The following SCN3A variants were observed in gnomAD, a reference collection of about 807,000 sequenced individuals.
SCN3A encodes sodium voltage-gated channel alpha subunit 3.
SCN3A carries 60 observed loss-of-function variants against 187.6 expected under a neutral mutation model. The observed-to-expected ratio is 0.32, with a 90% CI of 0.26 to 0.40. The LOEUF is 0.40. Ranked by LOEUF, SCN3A falls within the 10% of genes least tolerant of loss-of-function variation. The pLI is 1.00. For synonymous variants in SCN3A, 788 were observed against 829.2 expected (o/e 0.95, Z 0.85); for missense variants, 1,601 against 2,428.2 (o/e 0.66, Z 7.16).
At chr2:165,137,199 A>G (rs1179597365) in intron 15 of SCN3A, among the ~76,000 whole-genome samples, 1 of 152,090 alleles carries the variant, frequency 6.6e-6, no homozygotes, top group African/African-American at 2.4e-5. Context: ...CCCTTTACTT[A>G]GTTTGTTAGT....
rs966870437 is a variant in SCN3A, at chr2:165,154,762, G to A, written c.1174-104C>T. On this transcript the variant is annotated intron_variant, in intron 10 of 27. Coordinates refer to ENST00000283254, the MANE Select transcript of SCN3A (RefSeq NM_006922.4). ...AGTCAGTAGACTAATTAGCTTTTTA[G>A]TATCCAGTTTATTTTCACCAAGAAT... 4.4e-6 allele frequency: 5 copies of A among 1,136,778 alleles called. No individual in the cohort carries two copies. The African/African-American group carries it at 6.2e-5, about 14-fold the overall frequency. 70.4% of individuals were successfully genotyped at this position (1,136,778 alleles called of 1,614,324 possible).
At chr2:165,192,780 GA>G (rs1691698050) in intron 1 of SCN3A, among the ~76,000 whole-genome samples, 1 of 152,062 alleles carries the variant, frequency 6.6e-6, no homozygotes, top group Non-Finnish European at 1.5e-5. Context: ...TGTTATTGAA[GA>G]TGTGCCTTAT....
At chr2:165,198,635 T>A (rs1553545314) in intron 1 of SCN3A, among the ~76,000 whole-genome samples, 1 of 152,026 alleles carries the variant, frequency 6.6e-6, no homozygotes, top group Non-Finnish European at 1.5e-5. Flanking sequence ...TTTTCCATTT[T>A]AAAAAGGGCA....
chr2:165,203,762 A>C (rs180734131), intron 1 of SCN3A, 61 bp downstream of exon 1: 1 of 152,124 alleles, frequency 6.6e-6, no homozygotes, highest in East Asian at 1.9e-4. Flanking sequence ...TTTTAAAGTA[A>C]GGAAAATGAC....
chr2:165,124,602 C>G (rs1223848835), intron 18 of SCN3A, among the ~76,000 whole-genome samples: 1 of 152,114 alleles, frequency 6.6e-6, no homozygotes, highest in Non-Finnish European at 1.5e-5. Flanking sequence ...TTTTTAAACC[C>G]TGACCTCTAA....
In SCN3A at chr2:165,164,508, A is replaced by C; in HGVS notation, c.486T>G (p.Thr162=). ...TAAGTGACTCAAAGGTATAGATTCCAGTGAATGTGTACCTAGGAAAAACAT... is the reference window on the plus strand; with the variant it reads ...TAAGTGACTCAAAGGTATAGATTCCCGTGAATGTGTACCTAGGAAAAACAT... ...DWTKNVEYTF[T]GIYTFESLIK... Residue 162 remains threonine (T), a synonymous_variant, in exon 6 of 28, where the codon ACT becomes ACG. Coordinates refer to ENST00000283254, the MANE Select transcript of SCN3A (RefSeq NM_006922.4). 1 of 1,613,730 alleles carries C rather than the reference A, an allele frequency of 6.2e-7. No homozygotes were observed. Among genetic ancestry groups the C allele is most frequent in the African/African-American group, 1.3e-5 (1 of 75,038 alleles).
At chr2:165,125,308 C>CT (rs773609297) in intron 18 of SCN3A, among the ~76,000 whole-genome samples, 6,911 of 145,706 alleles carry the variant, frequency 0.047, 207 homozygotes, top group Non-Finnish European at 0.065. Context: ...CAGGATTAAA[C>CT]TTTTTTTTTT....
chr2:165,178,131 T>C (rs961641221), intron 2 of SCN3A, among the ~76,000 whole-genome samples: 1 of 152,196 alleles, frequency 6.6e-6, no homozygotes, highest in Non-Finnish European at 1.5e-5. Flanking sequence ...TAGCTTATTA[T>C]GTGTGTGGGG....
intron 22 of SCN3A, 120 bp from the exon 23 acceptor site, chr2:165,097,644 C>T: frequency 1.6e-6 from 2 of 1,236,146 alleles, no homozygotes; most frequent in Non-Finnish European, 2.3e-6. Flanking sequence ...TCTAGGTGGA[C>T]AAGTTGTTTC....
At chr2:165,170,992 T>G (rs1255786935) in intron 3 of SCN3A, among the ~76,000 whole-genome samples, 1 of 151,990 alleles carries the variant, frequency 6.6e-6, no homozygotes, top group Non-Finnish European at 1.5e-5. Flanking sequence ...CCTGTAGATT[T>G]AAAATGTTCA....
intron 5 of SCN3A, among the ~76,000 whole-genome samples, chr2:165,166,132 G>A (rs1310606054): frequency 1.3e-5 from 2 of 152,132 alleles, no homozygotes; most frequent in East Asian, 1.9e-4. Flanking sequence ...AGGCAATTCT[G>A]TCTTATCTAT....
In SCN3A at chr2:165,092,600, G is replaced by T; in HGVS notation, c.4537-76C>A. 1.4e-6 allele frequency: 2 copies of T among 1,400,244 alleles called. No homozygotes were observed. Among genetic ancestry groups the T allele is most frequent in the Non-Finnish European group, 2.0e-6 (2 of 995,514 alleles). The allele number at this position is 1,400,244 out of a possible 1,614,324, so 86.7% of individuals were successfully genotyped here. A position where few individuals can be genotyped will look rare whatever the true frequency, so the allele number is the denominator to read the frequency against. On this transcript the variant is annotated intron_variant, in intron 26 of 27. Coordinates refer to ENST00000283254, the MANE Select transcript of SCN3A (RefSeq NM_006922.4). This position sits in a 1 kb window ranked among gnomAD's most constrained non-coding sequence, Gnocchi z 4.2. Reference sequence around the variant, plus strand: ...ATAATGCAGTAAAATTGTAGATAAAGCCCTTCCACATACGGGATGGATGTG... The same window carrying T: ...ATAATGCAGTAAAATTGTAGATAAATCCCTTCCACATACGGGATGGATGTG...
At chr2:165,121,810 A>G (rs773418860) in intron 18 of SCN3A, among the ~76,000 whole-genome samples, 7 of 152,224 alleles carry the variant, frequency 4.6e-5, no homozygotes, top group East Asian at 1.9e-4. Context: ...TGAACAGAAT[A>G]AAATAAAAGC....
At chr2:165,112,209 A>G (rs1686153812) in intron 21 of SCN3A, among the ~76,000 whole-genome samples, 1 of 152,214 alleles carries the variant, frequency 6.6e-6, no homozygotes, top group Non-Finnish European at 1.5e-5. Flanking sequence ...CGTCACTTGC[A>G]ATAAAAAAAC....
At chr2:165,111,397 C>T (rs1190630120) in intron 21 of SCN3A, among the ~76,000 whole-genome samples, 1 of 151,742 alleles carries the variant, frequency 6.6e-6, no homozygotes, top group Non-Finnish European at 1.5e-5. Context: ...CAGAAAGGAT[C>T]ATTGAATGTA....
At chr2:165,170,040 G>A (rs1574287592) in intron 4 of SCN3A, among the ~76,000 whole-genome samples, 3 of 151,896 alleles carry the variant, frequency 2.0e-5, no homozygotes, top group South Asian at 2.1e-4. Flanking sequence ...AAATCCAGGC[G>A]CTGAAGATAC....
chr2:165,184,911 C>T (rs79763964), intron 2 of SCN3A, among the ~76,000 whole-genome samples: 55,883 of 151,902 alleles, frequency 0.37, 10,629 homozygotes, highest in South Asian at 0.5. Flanking sequence ...GGTATCACTA[C>T]GTTATAGCCA....
intron 15 of SCN3A, among the ~76,000 whole-genome samples, chr2:165,136,171 T>G (rs1036342533): frequency 3.3e-5 from 5 of 152,114 alleles, no homozygotes; most frequent in African/African-American, 1.2e-4. Context: ...GTCTAGTGCT[T>G]TTTCATTCAA....
At chr2:165,186,137 G>C (rs1406914248) in intron 2 of SCN3A, among the ~76,000 whole-genome samples, 1 of 152,062 alleles carries the variant, frequency 6.6e-6, no homozygotes, top group Non-Finnish European at 1.5e-5. Flanking sequence ...CGGGCTTGTG[G>C]CAGGCGCCTG....
Sources: gnomAD v4.1 joint callset for allele counts (sites outside exome capture counted in the v4.1 genomes callset) on GRCh38, gnomAD v4.1.1 for gene constraint, Gnocchi (gnomAD v3.1) non-coding constraint, MANE v1.5 for transcripts, NCBI Gene and HGNC (gene_info 2026-07-23, HGNC 2026-07-21) for gene names.